Variants in ANAPC2 observed in about 807,000 individuals in gnomAD.
ANAPC2 encodes the protein anaphase-promoting complex subunit 2.
A neutral mutation model predicts 84.3 loss-of-function variants in ANAPC2; 29 were observed. That is an observed-to-expected ratio of 0.34 (90% confidence interval 0.26 to 0.47). The LOEUF is 0.47. Ranked by LOEUF, ANAPC2 falls within the 20% of genes least tolerant of loss-of-function variation. The pLI, the probability that ANAPC2 is intolerant of heterozygous loss-of-function variation, is 1.00. For missense variants in ANAPC2, 857 were observed against 1,131.7 expected (o/e 0.76, Z 3.48); for synonymous variants, 571 against 479.4 (o/e 1.19, Z -2.50).
intron 3 of ANAPC2, among the ~76,000 whole-genome samples, 199 bp downstream of exon 3, chr9:137,186,025 G>A (rs544114198): frequency 3.9e-4 from 59 of 152,284 alleles, no homozygotes; most frequent in Non-Finnish European, 3.2e-4. Context: ...TCCGAAGAGC[G>A]CACCTCAGAT....
rs1834347294 is a variant in ANAPC2 at position 137,181,717 on chromosome 9, C to T, written c.1432G>A (p.Glu478Lys). 1 of 1,611,582 alleles carries T rather than the reference C, an allele frequency of 6.2e-7. No individual in the cohort carries two copies. Among genetic ancestry groups the T allele is most frequent in the African/African-American group, 1.3e-5 (1 of 74,928 alleles). The part of the protein sequence containing the change: ...QDSEDDSGEP[E>K]DWVPDPVDAD... ...TCCACAGGGTCCGGGACCCAGTCCT[C>T]TGGCTCGCCTGAGTCATCCTCACTG... Residue 478 changes from glutamate to lysine, a missense_variant, in exon 7 of 13, where the codon GAG (glutamate) becomes AAG (lysine). Physicochemically the swap from Glu to Lys is moderately conservative, Grantham distance 56. Transcript: ENST00000323927.
rs147046502 is a variant in ANAPC2, at chr9:137,175,050, C to A, written c.2361G>T (p.Leu787=). The A allele has an allele frequency of 1.6e-5, 25 of 1,605,950 alleles. No homozygotes were observed. Among genetic ancestry groups the A allele is most frequent in the Admixed American group, 5.1e-5 (3 of 59,130 alleles). Residue 787 remains leucine (L), a synonymous_variant, in exon 13 of 13, where the codon CTG becomes CTT. Coordinates refer to ENST00000323927, the MANE Select transcript of ANAPC2 (RefSeq NM_013366.4). ...LRMFVVTGPA[L]AEIDLQELQG... Reference sequence around the variant, plus strand: ...GCAGCTCCTGCAGGTCAATCTCGGCCAGTGCAGGCCCAGTCACCACAAACA... The same window carrying A: ...GCAGCTCCTGCAGGTCAATCTCGGCAAGTGCAGGCCCAGTCACCACAAACA...
chr9:137,175,378 C>T lies in ANAPC2; in HGVS notation c.2115G>A (p.Leu705=), dbSNP rs548010116. The change falls in exon 12 of 13, where the codon CTG becomes CTA. Residue 705 remains leucine (L), a synonymous_variant. Transcript: ENST00000323927. ...AGAAGGTGCCGGGGGGCTCCTCACG[C>T]AGCACACCCTGCTGCAGCCACACGG... ...RMSVWLQQGV[L]REEPPGTFSV... is the part of the protein sequence containing the mutation. 1 of 1,610,904 alleles carries T rather than the reference C, an allele frequency of 6.2e-7. No homozygotes were observed. Among genetic ancestry groups the T allele is most frequent in the African/African-American group, 1.3e-5 (1 of 75,000 alleles).
Position 137,187,565 on chromosome 9 carries a change from G to C in ANAPC2, c.656C>G (p.Pro219Arg). The C allele has an allele frequency of 6.2e-7, 1 of 1,613,900 alleles. No homozygotes were observed. Among genetic ancestry groups the C allele is most frequent in the Non-Finnish European group, 8.5e-7 (1 of 1,180,040 alleles). The change falls in exon 2 of 13, where the codon CCG becomes CGG. Residue 219 changes from proline to arginine, a missense_variant. Pro to Arg is a moderately radical substitution (Grantham distance 103, BLOSUM62 -2). Coordinates refer to ENST00000323927, the MANE Select transcript of ANAPC2 (RefSeq NM_013366.4). The part of the protein sequence containing the change: ...RRRYYRLLQS[P>R]LCAGCSSDKQ... Reference sequence around the variant, plus strand: ...GTCACTGCTGCACCCTGCACACAGCGGGCTCTGCAGGAGCCGGTAGTACCG... The same window carrying C: ...GTCACTGCTGCACCCTGCACACAGCCGGCTCTGCAGGAGCCGGTAGTACCG...
At chr9:137,180,155 C>A in intron 10 of ANAPC2, 26 bp downstream of exon 10, 1 of 1,608,712 alleles carries the variant, frequency 6.2e-7, no homozygotes. Flanking sequence ...GCCAAGAGCC[C>A]ATGGGGTGGC....
chr9:137,181,645 C>G (rs957219907), intron 7 of ANAPC2, 36 bp downstream of exon 7: 7 of 1,546,124 alleles, frequency 4.5e-6, no homozygotes, highest in East Asian at 2.3e-5. Context: ...AAGCGCCCCC[C>G]ACACTGGTGA....
intron 4 of ANAPC2, among the ~76,000 whole-genome samples, chr9:137,184,647 G>A (rs1320231704): frequency 5.9e-5 from 6 of 101,840 alleles, no homozygotes; most frequent in African/African-American, 1.7e-4. Flanking sequence ...GAAGGCACAG[G>A]GAGCCCAGAC....
At chr9:137,181,627 CCTGGCTGAAGCGCCCCCCACACTGG>C in intron 7 of ANAPC2, 29 bp downstream of exon 7, 1 of 1,507,556 alleles carries the variant, frequency 6.6e-7, no homozygotes, top group Non-Finnish European at 8.9e-7. Context: ...GAGCGGACGG[CCTGGCTGAAGCGCCCCCCACACTGG>C]TGAAAGGGAC....
intron 4 of ANAPC2, 70 bp from the exon 5 acceptor site, chr9:137,183,861 T>C (rs1446156869): frequency 3.2e-6 from 5 of 1,577,026 alleles, no homozygotes; most frequent in South Asian, 2.3e-5. Context: ...GTGCAGAGTG[T>C]GTGCGGTGTG....
At chr9:137,183,060 G>A (rs970662489) in intron 6 of ANAPC2, 65 bp downstream of exon 6, 2 of 1,369,990 alleles carry the variant, frequency 1.5e-6, no homozygotes, top group African/African-American at 1.4e-5. Context: ...TGCCCCCCAG[G>A]ACCACGAGGA....
At chr9:137,183,859 T>G in intron 4 of ANAPC2, 68 bp from the exon 5 acceptor site, 1 of 1,576,146 alleles carries the variant, frequency 6.3e-7, no homozygotes, top group South Asian at 1.1e-5. Context: ...TGGTGCAGAG[T>G]GTGTGCGGTG....
At chr9:137,178,008 T>C (rs965904909) in intron 10 of ANAPC2, among the ~76,000 whole-genome samples, 1 of 152,166 alleles carries the variant, frequency 6.6e-6, no homozygotes, top group African/African-American at 2.4e-5. Flanking sequence ...AATGATATGT[T>C]TCTTTTAAGC....
At chr9:137,184,058 A>G (rs1834400414) in intron 4 of ANAPC2, among the ~76,000 whole-genome samples, 1 of 152,212 alleles carries the variant, frequency 6.6e-6, no homozygotes, top group Non-Finnish European at 1.5e-5. Flanking sequence ...GACACCCAGA[A>G]GCACTGTCCA....
rs753438417 is a variant in ANAPC2 at position 137,186,253 on chromosome 9, C to T, written c.844G>A (p.Glu282Lys). ...RMEDRCRGEYERSFLREFHKW... is the reference protein window; with the variant it reads ...RMEDRCRGEYKRSFLREFHKW... ...TGGAACTCACGCAGGAAGGAGCGCTCGTACTCGCCCCGGCAACGGTCCTCC... is the reference window on the plus strand; with the variant it reads ...TGGAACTCACGCAGGAAGGAGCGCTTGTACTCGCCCCGGCAACGGTCCTCC... The change falls in exon 3 of 13, where the codon GAG (glutamate) becomes AAG (lysine). Residue 282 changes from glutamate (E) to lysine (K), a missense_variant. By Grantham distance (56) the Glu-to-Lys change is moderately conservative (BLOSUM62 1). Coordinates refer to ENST00000323927, the MANE Select transcript of ANAPC2 (RefSeq NM_013366.4). 1.9e-6 allele frequency: 3 copies of T among 1,612,512 alleles called. No individual in the cohort carries two copies. Among genetic ancestry groups the T allele is most frequent in the African/African-American group, 1.3e-5 (1 of 74,914 alleles).
chr9:137,182,729 A>T (rs1158775394), intron 6 of ANAPC2, among the ~76,000 whole-genome samples: 1 of 152,186 alleles, frequency 6.6e-6, no homozygotes, highest in African/African-American at 2.4e-5. Context: ...TCCACCGAAC[A>T]GCCCCAGGAG....
chr9:137,175,670 G>C, intron 11 of ANAPC2, 38 bp downstream of exon 11: 2 of 1,592,474 alleles, frequency 1.3e-6, no homozygotes, highest in Non-Finnish European at 1.7e-6. Context: ...GCTGGGCCGT[G>C]TGGCCGGGGC....
At chr9:137,184,519 G>C (rs1000559970) in intron 4 of ANAPC2, among the ~76,000 whole-genome samples, 1 of 145,114 alleles carries the variant, frequency 6.9e-6, no homozygotes, top group African/African-American at 2.6e-5. Context: ...TGCAGACACA[G>C]AGCAGACACA....
intron 11 of ANAPC2, 47 bp downstream of exon 11, chr9:137,175,661 C>A: frequency 6.3e-7 from 1 of 1,585,826 alleles, no homozygotes. Flanking sequence ...TCACCCACAG[C>A]TGGGCCGTGT....
rs907523687 is a variant in ANAPC2, at chr9:137,187,501, G to T, written c.720C>A (p.Phe240Leu). 1.2e-6 allele frequency: 2 copies of T among 1,608,616 alleles called. No individual in the cohort carries two copies. Among genetic ancestry groups the T allele is most frequent in the Non-Finnish European group, 1.7e-6 (2 of 1,175,698 alleles). The part of the protein sequence containing the change: ...QCWCRQALEQ[F>L]HQLSQVLHRL... ...CTCACAAGACCTGGCTGAGCTGATGGAACTGCTCCAGAGCCTGGCGACACC... is the reference window on the plus strand; with the variant it reads ...CTCACAAGACCTGGCTGAGCTGATGTAACTGCTCCAGAGCCTGGCGACACC... The change falls in exon 2 of 13, where the codon TTC becomes TTA. Residue 240 changes from phenylalanine to leucine, a missense_variant. By Grantham distance (22) the Phe-to-Leu change is conservative. Transcript: ENST00000323927.
Sources: gnomAD v4.1 joint callset for allele counts (sites outside exome capture counted in the v4.1 genomes callset) on GRCh38, gnomAD v4.1.1 for gene constraint, MANE v1.5 for transcripts, NCBI Gene and HGNC (gene_info 2026-07-23, HGNC 2026-07-21) for gene names.